Variants in RAB2A observed in about 807,000 individuals in gnomAD.
RAB2A encodes the protein ras-related protein Rab-2A.
In RAB2A, 7 loss-of-function variants were observed where a neutral mutation model predicts 32.5. That is an observed-to-expected ratio of 0.22 (90% CI 0.12 to 0.40). The LOEUF is 0.40. Among genes scored for constraint, RAB2A ranks in the 10% least tolerant of loss-of-function variants. The pLI is 1.00. For missense variants in RAB2A, 108 were observed against 260.7 expected, an observed-to-expected ratio of 0.41 and a Z score of 4.03; for synonymous variants, 79 against 85.2, an observed-to-expected ratio of 0.93 and a Z score of 0.40.
At chr8:60,589,640 G>A (rs1046146022) in intron 5 of RAB2A, among the ~76,000 whole-genome samples, 3 of 152,158 alleles carry the variant, frequency 2.0e-5, no homozygotes, top group African/African-American at 7.2e-5. Flanking sequence ...TAAATTAAAA[G>A]AAAGATACTT....
intron 3 of RAB2A, among the ~76,000 whole-genome samples, chr8:60,577,729 C>CT (rs1803664117): frequency 6.6e-6 from 1 of 151,262 alleles, no homozygotes; most frequent in African/African-American, 2.4e-5. Flanking sequence ...GTTCACGCCA[C>CT]TTTCTCCTGC....
At chr8:60,595,859 A>AG (rs1804013461) in intron 6 of RAB2A, among the ~76,000 whole-genome samples, 1 of 152,264 alleles carries the variant, frequency 6.6e-6, no homozygotes, top group Non-Finnish European at 1.5e-5. Context: ...TAGATTTTAA[A>AG]GTATTGAAAT....
intron 4 of RAB2A, 25 bp from the exon 5 acceptor site, chr8:60,584,698 T>G: frequency 6.5e-7 from 1 of 1,543,440 alleles, no homozygotes; most frequent in East Asian, 2.3e-5. Flanking sequence ...TTGAACATAG[T>G]AATTAAATTA....
At chr8:60,556,066 G>C (rs1295555101) in intron 1 of RAB2A, among the ~76,000 whole-genome samples, 3 of 152,180 alleles carry the variant, frequency 2.0e-5, no homozygotes, top group Admixed American at 6.5e-5. Context: ...GGCAACATGG[G>C]TGAGACTGCA....
At chr8:60,529,132 T>C (rs1807437908) in intron 1 of RAB2A, among the ~76,000 whole-genome samples, 1 of 152,164 alleles carries the variant, frequency 6.6e-6, no homozygotes, top group Admixed American at 6.5e-5. Context: ...AAAAATCTTT[T>C]CATTATTGAT....
intron 6 of RAB2A, among the ~76,000 whole-genome samples, chr8:60,593,861 A>G (rs1194864212): frequency 6.6e-6 from 1 of 152,168 alleles, no homozygotes; most frequent in Non-Finnish European, 1.5e-5. Context: ...GAGTCTTAGC[A>G]AACAAACAAT....
chr8:60,617,172 C>G (rs1440465944), intron 6 of RAB2A, among the ~76,000 whole-genome samples: 2 of 151,984 alleles, frequency 1.3e-5, no homozygotes, highest in Admixed American at 1.3e-4. Flanking sequence ...CTATAGCATT[C>G]GTAATATTTA....
chr8:60,531,788 T>C (rs1399609575), intron 1 of RAB2A, among the ~76,000 whole-genome samples: 1 of 150,096 alleles, frequency 6.7e-6, no homozygotes, highest in Admixed American at 6.7e-5. Context: ...AGTAGTCATC[T>C]TCTACCTTGA....
intron 6 of RAB2A, 43 bp from the exon 7 acceptor site, chr8:60,618,537 G>A (rs1804484589): frequency 1.0e-6 from 1 of 996,280 alleles, no homozygotes; most frequent in Non-Finnish European, 1.4e-6. Context: ...TTATTTTACT[G>A]CTTTGGTTTT....
intron 3 of RAB2A, among the ~76,000 whole-genome samples, chr8:60,579,847 T>C (rs1194768719): frequency 6.6e-6 from 1 of 151,902 alleles, no homozygotes; most frequent in Non-Finnish European, 1.5e-5. Flanking sequence ...CAGGATGGTC[T>C]CGATCTCTTG....
intron 6 of RAB2A, among the ~76,000 whole-genome samples, chr8:60,592,681 G>A (rs1803962290): frequency 6.6e-6 from 1 of 151,942 alleles, no homozygotes; most frequent in Non-Finnish European, 1.5e-5. Context: ...CTGAACTATT[G>A]GAACTTTTCT....
At chr8:60,552,740 A>G (rs1026994373) in intron 1 of RAB2A, 1 of 152,238 alleles carries the variant, frequency 6.6e-6, no homozygotes, top group Non-Finnish European at 1.5e-5. Context: ...ACAGTTGGTT[A>G]AACCCCTCCC....
chr8:60,530,928 A>G (rs1446034489), intron 1 of RAB2A, among the ~76,000 whole-genome samples: 1 of 152,218 alleles, frequency 6.6e-6, no homozygotes, highest in African/African-American at 2.4e-5. Flanking sequence ...ACTGAAGAGA[A>G]GATACCTGCC....
chr8:60,565,774 C>A (rs1366942676), intron 2 of RAB2A, among the ~76,000 whole-genome samples: 1 of 127,712 alleles, frequency 7.8e-6, no homozygotes, highest in Non-Finnish European at 1.6e-5. Context: ...ACAGTGGTGC[C>A]ATCTTGGCTC....
intron 6 of RAB2A, among the ~76,000 whole-genome samples, chr8:60,616,779 G>T (rs774691869): frequency 6.6e-6 from 1 of 152,224 alleles, no homozygotes; most frequent in East Asian, 1.9e-4. Flanking sequence ...TCCTGCCGCA[G>T]ACGTTCAGAT....
At chr8:60,603,344 G>A (rs980653938) in intron 6 of RAB2A, among the ~76,000 whole-genome samples, 1 of 152,228 alleles carries the variant, frequency 6.6e-6, no homozygotes, top group African/African-American at 2.4e-5. Flanking sequence ...TGGACACCAT[G>A]AAGTTTAACT....
chr8:60,616,948 G>A (rs1804458246), intron 6 of RAB2A, among the ~76,000 whole-genome samples: 1 of 152,194 alleles, frequency 6.6e-6, no homozygotes, highest in South Asian at 2.1e-4. Flanking sequence ...TGTTTCCAGT[G>A]TAGAAAAGAT....
At chr8:60,548,504 C>T (rs1447733118) in intron 1 of RAB2A, among the ~76,000 whole-genome samples, 4 of 62,968 alleles carry the variant, frequency 6.4e-5, no homozygotes, top group Non-Finnish European at 1.1e-4. Context: ...GGCGGCTGGC[C>T]GGGCGGGGGG....
At chr8:60,586,694 A>C (rs941066092) in intron 5 of RAB2A, among the ~76,000 whole-genome samples, 7 of 152,166 alleles carry the variant, frequency 4.6e-5, no homozygotes, top group African/African-American at 1.7e-4. Flanking sequence ...AGGCAGGAGC[A>C]TCACATGAGG....
Sources: allele counts gnomAD v4.1 joint callset (sites outside exome capture counted in the v4.1 genomes callset), GRCh38; gene constraint gnomAD v4.1.1; transcripts MANE v1.5; gene names NCBI Gene and HGNC (gene_info 2026-07-23, HGNC 2026-07-21).